C1orf21: variants seen among roughly 807,000 people sequenced by gnomAD.
C1orf21 encodes the protein chromosome 1 open reading frame 21, also known as uncharacterized protein C1orf21.
A neutral mutation model predicts 18.7 loss-of-function variants in C1orf21; 3 were observed. That is an observed-to-expected ratio of 0.16 (90% CI 0.07 to 0.42). The LOEUF is 0.42. Ranked by LOEUF, C1orf21 falls within the 10% of genes least tolerant of loss-of-function variation. The pLI, the probability that C1orf21 is intolerant of heterozygous loss-of-function variation, is 0.99. For missense variants in C1orf21, 104 were observed against 143.6 expected (o/e 0.72, Z 1.41); for synonymous variants, 41 against 46.4 (o/e 0.88, Z 0.47).
At chr1:184,479,398 G>T (rs556506030) in intron 2 of C1orf21, among the ~76,000 whole-genome samples, 1 of 152,002 alleles carries the variant, frequency 6.6e-6, no homozygotes, top group Non-Finnish European at 1.5e-5. Flanking sequence ...GTCAAACATC[G>T]CAAGGCATTT....
At chr1:184,433,265 T>C (rs1656798591) in intron 1 of C1orf21, among the ~76,000 whole-genome samples, 1 of 151,742 alleles carries the variant, frequency 6.6e-6, no homozygotes, top group Non-Finnish European at 1.5e-5. Context: ...CTCCTCAGAG[T>C]GCCAACAGTG....
intron 2 of C1orf21, among the ~76,000 whole-genome samples, chr1:184,488,084 C>T (rs1339636877): frequency 6.6e-6 from 1 of 152,186 alleles, no homozygotes; most frequent in Non-Finnish European, 1.5e-5. Context: ...ATTCTCTAAA[C>T]TTAAAAGATG....
intron 1 of C1orf21, among the ~76,000 whole-genome samples, chr1:184,461,193 A>T (rs1657302634): frequency 6.6e-6 from 1 of 152,144 alleles, no homozygotes; most frequent in African/African-American, 2.4e-5. Flanking sequence ...TGCCAGTTGG[A>T]CAGGGCTCCC....
intron 1 of C1orf21, among the ~76,000 whole-genome samples, chr1:184,454,885 T>TAA (rs1326293315): frequency 6.6e-6 from 1 of 152,042 alleles, no homozygotes; most frequent in Non-Finnish European, 1.5e-5. Context: ...GATATATATA[T>TAA]AATAGAGAAT....
At chr1:184,409,923 T>C (rs899870424) in intron 1 of C1orf21, among the ~76,000 whole-genome samples, 6 of 152,124 alleles carry the variant, frequency 3.9e-5, no homozygotes, top group African/African-American at 1.2e-4. Context: ...GACAGCAGAA[T>C]AGGGATTCAT....
intron 3 of C1orf21, among the ~76,000 whole-genome samples, chr1:184,590,100 T>A (rs1659415774): frequency 6.6e-6 from 1 of 152,222 alleles, no homozygotes; most frequent in South Asian, 2.1e-4. Context: ...ATTATTGAGA[T>A]CATGTCCTTA....
At chr1:184,403,365 A>AGCC (rs1299598581) in intron 1 of C1orf21, among the ~76,000 whole-genome samples, 2 of 152,248 alleles carry the variant, frequency 1.3e-5, no homozygotes, top group African/African-American at 4.8e-5. Context: ...ATTTATGTAA[A>AGCC]GTTCAAAAAC....
At chr1:184,526,621 A>T (rs1026333183) in intron 3 of C1orf21, among the ~76,000 whole-genome samples, 2 of 152,212 alleles carry the variant, frequency 1.3e-5, no homozygotes, top group African/African-American at 4.8e-5. Context: ...AACTCCAAGT[A>T]TATCTAATAA....
At chr1:184,451,498 T>A (rs1478685631) in intron 1 of C1orf21, among the ~76,000 whole-genome samples, 1 of 129,376 alleles carries the variant, frequency 7.7e-6, no homozygotes, top group Admixed American at 8.6e-5. Flanking sequence ...AGAGACAGGG[T>A]CTCACTGTGT....
intron 3 of C1orf21, among the ~76,000 whole-genome samples, chr1:184,551,140 G>A (rs1658806940): frequency 6.6e-6 from 1 of 152,068 alleles, no homozygotes; most frequent in Non-Finnish European, 1.5e-5. Flanking sequence ...TATGATCCCT[G>A]GAATACAGCA....
intron 2 of C1orf21, among the ~76,000 whole-genome samples, chr1:184,491,151 A>G (rs1384381288): frequency 2.0e-5 from 3 of 152,216 alleles, no homozygotes; most frequent in Non-Finnish European, 4.4e-5. Context: ...TGTATAAATA[A>G]TCAGTGAACT....
At position 184,623,377 on chromosome 1, in the gene C1orf21, G is replaced by T. The variant is rs1004462913; in HGVS notation, c.*3821G>T. Reference sequence around the variant, plus strand: ...CCCTAAAGAAAAAGGATATTAGATTGCACACTATAATTTTACATAAGATCT... The same window carrying T: ...CCCTAAAGAAAAAGGATATTAGATTTCACACTATAATTTTACATAAGATCT... On this transcript the variant is annotated 3_prime_UTR_variant, in exon 6 of 6. Transcript: ENST00000235307. The T allele has an allele frequency of 6.6e-6, 1 of 152,122 alleles. No individual in the cohort carries two copies. Among genetic ancestry groups the T allele is most frequent in the African/African-American group, 2.4e-5 (1 of 41,404 alleles). The allele number at this position is 152,122 out of a possible 1,614,324, so 9.4% of individuals were successfully genotyped here.
intron 1 of C1orf21, among the ~76,000 whole-genome samples, chr1:184,461,126 C>T (rs1471646584): frequency 6.6e-6 from 1 of 152,170 alleles, no homozygotes. Flanking sequence ...GCCAATCAGG[C>T]TTTGAACTTC....
At chr1:184,498,331 G>C (rs1180418466) in intron 2 of C1orf21, among the ~76,000 whole-genome samples, 1 of 152,198 alleles carries the variant, frequency 6.6e-6, no homozygotes, top group African/African-American at 2.4e-5. Flanking sequence ...TGCGCATAAA[G>C]ATCATTAAGA....
At chr1:184,474,409 AG>A (rs1193606278) in intron 1 of C1orf21, among the ~76,000 whole-genome samples, 4 of 152,240 alleles carry the variant, frequency 2.6e-5, no homozygotes, top group Admixed American at 2.0e-4. Context: ...TTTAAAAAAA[AG>A]AGCCATTCTT....
At chr1:184,475,605 T>C (rs1442389679) in intron 1 of C1orf21, among the ~76,000 whole-genome samples, 2 of 152,194 alleles carry the variant, frequency 1.3e-5, no homozygotes, top group Non-Finnish European at 2.9e-5. Context: ...TTACACTGTA[T>C]TGCGTGCAAT....
chr1:184,453,311 C>T (rs773028802), intron 1 of C1orf21, among the ~76,000 whole-genome samples: 3 of 152,138 alleles, frequency 2.0e-5, no homozygotes, highest in Non-Finnish European at 4.4e-5. Context: ...CAGCATTGCC[C>T]CAGGTACAGG....
At chr1:184,443,859 G>A (rs1423450158) in intron 1 of C1orf21, among the ~76,000 whole-genome samples, 1 of 152,144 alleles carries the variant, frequency 6.6e-6, no homozygotes, top group Non-Finnish European at 1.5e-5. Flanking sequence ...GCACTGTTTA[G>A]AGCCTCCTGT....
At chr1:184,533,660 A>C (rs1340542411) in intron 3 of C1orf21, among the ~76,000 whole-genome samples, 1 of 152,200 alleles carries the variant, frequency 6.6e-6, no homozygotes, top group Non-Finnish European at 1.5e-5. Flanking sequence ...TTCAAGTAAG[A>C]AGTGACTAGT....
Sources: gnomAD v4.1 joint callset for allele counts (sites outside exome capture counted in the v4.1 genomes callset) on GRCh38, gnomAD v4.1.1 for gene constraint, MANE v1.5 for transcripts, NCBI Gene and HGNC (gene_info 2026-07-23, HGNC 2026-07-21) for gene names.